Variants in CLRN3 observed in about 807,000 individuals in gnomAD.
The protein encoded by CLRN3 is clarin 3, also known as clarin-3.
CLRN3 carries 12 observed loss-of-function variants against 16.7 expected under a neutral mutation model. The observed-to-expected ratio is 0.72, with a 90% CI of 0.46 to 1.16. The LOEUF (loss-of-function observed/expected upper bound fraction) is 1.16. Ranked by LOEUF, CLRN3 falls within the 50% of genes most tolerant of loss-of-function variation. The pLI is 0.00. For missense variants in CLRN3, 296 were observed against 274.2 expected (o/e 1.08, Z -0.56); for synonymous variants, 118 against 113.0 (o/e 1.04, Z -0.28).
In CLRN3 at chr10:127,877,843, A is replaced by G. The variant is rs1845076236; in HGVS notation, c.*306T>C. 1 of 321,494 alleles carries G rather than the reference A, an allele frequency of 3.1e-6. No individual in the cohort carries two copies. The highest frequency in any genetic ancestry group is 2.1e-5 in the African/African-American group (1 of 47,440). 19.9% of individuals were successfully genotyped at this position (321,494 alleles called of 1,614,324 possible). A position where few individuals can be genotyped will look rare whatever the true frequency, so the allele number is the denominator to read the frequency against. The stretch of plus-strand genomic sequence containing the variant: ...TGAAGTGCTTTGAGATACTCAAAGA[A>G]AAGAAACATGACACAGCCTTTTATT... On this transcript the variant is annotated 3_prime_UTR_variant, in exon 3 of 3. Transcript: ENST00000368671.
At chr10:127,879,892 G>T (rs570548896) in intron 2 of CLRN3, among the ~76,000 whole-genome samples, 1 of 152,152 alleles carries the variant, frequency 6.6e-6, no homozygotes, top group Non-Finnish European at 1.5e-5. Context: ...CACGGGGGCC[G>T]CCAGGGGATC....
Position 127,883,761 on chromosome 10 carries a change from C to T in CLRN3, c.344G>A (p.Ser115Asn). 6.2e-7 allele frequency: 1 copy of T among 1,613,786 alleles called. No individual in the cohort carries two copies. Among genetic ancestry groups the T allele is most frequent in the East Asian group, 2.2e-5 (1 of 44,864 alleles). Residue 115 changes from serine (S) to asparagine (N), a missense_variant, in exon 2 of 3, where the codon AGC (serine) becomes AAC (asparagine). Transcript: ENST00000368671. ...LLSSGFTFYNSISNPYQTFLG... is the reference protein window; with the variant it reads ...LLSSGFTFYNNISNPYQTFLG... ...GAATGTCTGGTAAGGGTTGCTGATG[C>T]TGTTGTAGAAGGTAAACCCAGAGCT... is the stretch of plus-strand genomic sequence containing the variant.
At chr10:127,881,817 G>T (rs1023084879) in intron 2 of CLRN3, among the ~76,000 whole-genome samples, 1 of 152,222 alleles carries the variant, frequency 6.6e-6, no homozygotes, top group Non-Finnish European at 1.5e-5. Flanking sequence ...ATCTTCAAGA[G>T]GATTGATCTG....
At chr10:127,883,497 CAG>C (rs1462639111) in intron 2 of CLRN3, among the ~76,000 whole-genome samples, 197 bp downstream of exon 2, 4 of 152,192 alleles carry the variant, frequency 2.6e-5, no homozygotes, top group African/African-American at 9.6e-5. Context: ...GCATTTAAAA[CAG>C]AATTCTATTT....
chr10:127,890,370 C>T (rs933848319), intron 1 of CLRN3, among the ~76,000 whole-genome samples: 5 of 152,290 alleles, frequency 3.3e-5, no homozygotes, highest in East Asian at 3.9e-4. Flanking sequence ...GTCTGAAGGA[C>T]GATTTTCCCC....
chr10:127,883,751 G>T lies in CLRN3; in HGVS notation c.354C>A (p.Asn118Lys). 3 of 1,613,972 alleles carry T rather than the reference G, an allele frequency of 1.9e-6. No individual in the cohort carries two copies. The highest frequency in any genetic ancestry group is 2.5e-6 in the Non-Finnish European group (3 of 1,179,890). ...SGFTFYNSIS[N>K]PYQTFLGPTG... ...TCGGCCCCAGGAATGTCTGGTAAGG[G>T]TTGCTGATGCTGTTGTAGAAGGTAA... Residue 118 changes from asparagine (N) to lysine (K), a missense_variant, in exon 2 of 3, where the codon AAC becomes AAA. Asn to Lys is a moderately conservative substitution (Grantham distance 94, BLOSUM62 0). Coordinates refer to ENST00000368671, the MANE Select transcript of CLRN3 (RefSeq NM_152311.5).
intron 2 of CLRN3, among the ~76,000 whole-genome samples, chr10:127,881,610 A>C (rs1229654899): frequency 6.6e-6 from 1 of 152,176 alleles, no homozygotes; most frequent in Non-Finnish European, 1.5e-5. Context: ...CAGGATGGGC[A>C]GGTAGCCTTG....
chr10:127,878,594 A>G (rs754615834), intron 2 of CLRN3, among the ~76,000 whole-genome samples, 174 bp from the exon 3 acceptor site: 2 of 152,242 alleles, frequency 1.3e-5, no homozygotes, highest in Non-Finnish European at 2.9e-5. Context: ...ATGTCTAGGC[A>G]TAGAACACTA....
At chr10:127,889,424 G>A (rs1356894062) in intron 1 of CLRN3, among the ~76,000 whole-genome samples, 1 of 152,140 alleles carries the variant, frequency 6.6e-6, no homozygotes, top group Non-Finnish European at 1.5e-5. Context: ...AGGAGTTTGA[G>A]ACCAGCCTGG....
Position 127,892,680 on chromosome 10 carries a change from G to T in CLRN3, c.105C>A (p.Thr35=). The T allele has an allele frequency of 6.2e-7, 1 of 1,611,638 alleles. No individual in the cohort carries two copies. The change falls in exon 1 of 3, where the codon ACC becomes ACA. Residue 35 remains threonine, a synonymous_variant. Transcript: ENST00000368671. The part of the protein sequence containing the change: ...CSILGTQAWI[T]STIAVRDSAS... ...CAGAGTCTCTAACAGCAATTGTACTGGTGATCCATGCTTGTGTCCCAAGAA... is the reference window on the plus strand; with the variant it reads ...CAGAGTCTCTAACAGCAATTGTACTTGTGATCCATGCTTGTGTCCCAAGAA...
intron 1 of CLRN3, among the ~76,000 whole-genome samples, chr10:127,890,162 A>G (rs566599465): frequency 6.6e-6 from 1 of 152,342 alleles, no homozygotes; most frequent in South Asian, 2.1e-4. Context: ...CCCCTTATAC[A>G]TGCAGCAGCT....
chr10:127,885,003 T>C (rs1460692646), intron 1 of CLRN3, among the ~76,000 whole-genome samples: 1 of 152,162 alleles, frequency 6.6e-6, no homozygotes, highest in Non-Finnish European at 1.5e-5. Flanking sequence ...TAAAAACAAG[T>C]GAAAGGCTCT....
intron 1 of CLRN3, among the ~76,000 whole-genome samples, chr10:127,888,412 G>A (rs1415352561): frequency 6.6e-6 from 1 of 152,246 alleles, no homozygotes; most frequent in Non-Finnish European, 1.5e-5. Flanking sequence ...TGATGAACCT[G>A]CTCTCCAGGA....
intron 2 of CLRN3, among the ~76,000 whole-genome samples, chr10:127,880,226 G>A (rs1012278707): frequency 3.3e-5 from 5 of 152,188 alleles, no homozygotes; most frequent in South Asian, 2.1e-4. Flanking sequence ...AATCATAAAG[G>A]GGCAGGATGT....
At chr10:127,878,522 A>G (rs1845088515) in intron 2 of CLRN3, 102 bp from the exon 3 acceptor site, 6 of 1,468,786 alleles carry the variant, frequency 4.1e-6, no homozygotes, top group Non-Finnish European at 5.5e-6. Context: ...GCATATCTAC[A>G]CAGGAGTTTA....
chr10:127,886,054 C>T (rs1423683764), intron 1 of CLRN3, among the ~76,000 whole-genome samples: 2 of 151,798 alleles, frequency 1.3e-5, no homozygotes, highest in Non-Finnish European at 2.9e-5. Context: ...CACGCCCGGC[C>T]TTTTAAAAAA....
At chr10:127,883,244 A>G (rs1244787086) in intron 2 of CLRN3, among the ~76,000 whole-genome samples, 2 of 151,680 alleles carry the variant, frequency 1.3e-5, no homozygotes, top group Non-Finnish European at 2.9e-5. Context: ...AGGAGGAAAG[A>G]GAAGGAAGTG....
At chr10:127,890,795 G>GC (rs140722238) in intron 1 of CLRN3, among the ~76,000 whole-genome samples, 5,025 of 152,210 alleles carry the variant, frequency 0.033, 291 homozygotes, top group African/African-American at 0.11. Context: ...GCTGAACACC[G>GC]CAAGTTGAAG....
chr10:127,884,175 G>A (rs993167097), intron 1 of CLRN3, among the ~76,000 whole-genome samples: 3 of 152,244 alleles, frequency 2.0e-5, no homozygotes, highest in Non-Finnish European at 4.4e-5. Context: ...GGGCTGGACA[G>A]CCTTCCCATT....
Sources: allele counts gnomAD v4.1 joint callset (sites outside exome capture counted in the v4.1 genomes callset), GRCh38; gene constraint gnomAD v4.1.1; transcripts MANE v1.5; gene names NCBI Gene and HGNC (gene_info 2026-07-23, HGNC 2026-07-21).